MDN1: variants seen among roughly 807,000 people sequenced by gnomAD.
The protein encoded by MDN1 is midasin AAA ATPase 1, also known as midasin.
In MDN1, 266 loss-of-function variants were observed where a neutral mutation model predicts 669.2. That is an observed-to-expected ratio of 0.40 (90% confidence interval 0.36 to 0.44). The LOEUF (loss-of-function observed/expected upper bound fraction) is 0.44. Among genes scored for constraint, MDN1 ranks in the 20% least tolerant of loss-of-function variants. MDN1 has a pLI of 1.00. For synonymous variants in MDN1, 2,385 were observed against 2,457.1 expected (o/e 0.97, Z 0.87); for missense variants, 5,940 against 6,754.0 (o/e 0.88, Z 4.22).
At chr6:89,809,312 T>A (rs986421785) in intron 1 of MDN1, among the ~76,000 whole-genome samples, 1 of 151,926 alleles carries the variant, frequency 6.6e-6, no homozygotes, top group Non-Finnish European at 1.5e-5. Flanking sequence ...TTTTATTTTA[T>A]CTTCCCAGAT....
chr6:89,691,161 T>C (rs75734848), intron 63 of MDN1, among the ~76,000 whole-genome samples: 1,929 of 152,192 alleles, frequency 0.013, 39 homozygotes, highest in African/African-American at 0.044. Context: ...GGGTTGGCCA[T>C]GAGAGGGTTG....
chr6:89,745,385 A>G lies in MDN1; in HGVS notation c.4066T>C (p.Leu1356=), dbSNP rs756602259. Reference sequence around the variant, plus strand: ...ACGATATGGCCAAAGTTACACTCCAATGTGGATATCTGAGTAGACAATTTA... The same window carrying G: ...ACGATATGGCCAAAGTTACACTCCAGTGTGGATATCTGAGTAGACAATTTA... ...LGKLSTQIST[L]ECNFGHIVWT... Residue 1356 remains leucine, a synonymous_variant, in exon 29 of 102, where the codon TTG becomes CTG. Coordinates refer to ENST00000369393, the MANE Select transcript of MDN1 (RefSeq NM_014611.3). 10 of 1,613,982 alleles carry G rather than the reference A, an allele frequency of 6.2e-6. No homozygotes were observed. The highest frequency in any genetic ancestry group is 8.5e-6 in the Non-Finnish European group (10 of 1,179,974).
intron 8 of MDN1, among the ~76,000 whole-genome samples, chr6:89,785,609 A>C (rs534069710): frequency 6.6e-6 from 1 of 152,344 alleles, no homozygotes; most frequent in East Asian, 1.9e-4. Context: ...ATGCTTATGC[A>C]TAGGCCACTT....
Position 89,648,149 on chromosome 6 carries a change from T to TG in MDN1, c.16281-4dup. Reference sequence around the variant, plus strand: ...ACAGCTTTACAGATTCTCCAAAACTTGGGGGAGGAAAACCAAATACAACAG... The same window carrying TG: ...ACAGCTTTACAGATTCTCCAAAACTTGGGGGGAGGAAAACCAAATACAACAG... On this transcript the variant is annotated splice_region_variant and splice_polypyrimidine_tract_variant and intron_variant, in intron 98 of 101. Transcript: ENST00000369393. The TG allele has an allele frequency of 5.0e-6, 8 of 1,612,954 alleles. No individual in the cohort carries two copies. Among genetic ancestry groups the TG allele is most frequent in the Non-Finnish European group, 6.8e-6 (8 of 1,179,006 alleles).
At chr6:89,750,728 G>A (rs549756551) in intron 23 of MDN1, among the ~76,000 whole-genome samples, 196 bp from the exon 24 acceptor site, 2 of 152,154 alleles carry the variant, frequency 1.3e-5, no homozygotes, top group East Asian at 1.9e-4. Context: ...TCAGCCTCTT[G>A]AGTAGCTGGG....
In MDN1 at chr6:89,714,627, G is replaced by A. The variant is rs895573382; in HGVS notation, c.6985C>T (p.Leu2329=). 6.2e-7 allele frequency: 1 copy of A among 1,614,112 alleles called. No individual in the cohort carries two copies. Among genetic ancestry groups the A allele is most frequent in the Admixed American group, 1.7e-5 (1 of 60,018 alleles). The change falls in exon 46 of 102, where the codon CTG becomes TTG. Residue 2329 remains leucine, a synonymous_variant. Coordinates refer to ENST00000369393, the MANE Select transcript of MDN1 (RefSeq NM_014611.3). ...CCCACCAATCCAAGGCTGTGCAGCA[G>A]AACTTTCAAATCCAGGTTGTCTGGG... ...STPDNLDLKV[L]LHSLGLVGNS... is the part of the protein sequence containing the mutation.
chr6:89,686,809 G>A (rs752542153), intron 69 of MDN1, 93 bp downstream of exon 69: 449 of 1,496,402 alleles, frequency 3.0e-4, no homozygotes, highest in Non-Finnish European at 1.6e-4. Context: ...GCCATGTAGC[G>A]GGAGAAGCGG....
intron 22 of MDN1, 73 bp downstream of exon 22, chr6:89,753,439 A>G (rs1395565075): frequency 5.8e-6 from 7 of 1,211,754 alleles, no homozygotes; most frequent in Non-Finnish European, 8.3e-6. Flanking sequence ...TGAAAAAAAA[A>G]AAACCAAACA....
intron 70 of MDN1, 66 bp downstream of exon 70, chr6:89,685,761 A>C: frequency 3.9e-6 from 6 of 1,554,886 alleles, no homozygotes; most frequent in South Asian, 1.2e-5. Flanking sequence ...TGTCTCATGC[A>C]GAGAATTCAA....
At chr6:89,749,403 T>C (rs1355760168) in intron 25 of MDN1, 34 bp from the exon 26 acceptor site, 1 of 1,606,454 alleles carries the variant, frequency 6.2e-7, no homozygotes, top group South Asian at 1.1e-5. Context: ...CAGTAAAAGG[T>C]GCCTTTTAAT....
intron 76 of MDN1, among the ~76,000 whole-genome samples, chr6:89,676,513 G>A (rs1463678188): frequency 2.0e-5 from 3 of 152,144 alleles, no homozygotes; most frequent in African/African-American, 4.8e-5. Flanking sequence ...AACATAAGAG[G>A]ACTAAGGACA....
rs574334527 is a variant in MDN1 at position 89,747,596 on chromosome 6, A to G, written c.3763-126T>C. The stretch of plus-strand genomic sequence containing the variant: ...TTTAAATGATTTCATTCCACTGAAT[A>G]AGATTAATTTTTTGGCCGGGCGTGG... On this transcript the variant is annotated intron_variant, in intron 26 of 101. Coordinates refer to ENST00000369393, the MANE Select transcript of MDN1 (RefSeq NM_014611.3). 4 of 1,175,490 alleles carry G rather than the reference A, an allele frequency of 3.4e-6. No individual in the cohort carries two copies. In the East Asian group the frequency reaches 1.1e-4, roughly 31 times the overall value. 72.8% of individuals were successfully genotyped at this position (1,175,490 alleles called of 1,614,324 possible).
At chr6:89,781,313 T>A in intron 10 of MDN1, 86 bp downstream of exon 10, 1 of 1,356,418 alleles carries the variant, frequency 7.4e-7, no homozygotes, top group Non-Finnish European at 1.0e-6. Flanking sequence ...ACTGCACCAC[T>A]GCACTCCAGC....
At position 89,673,225 on chromosome 6, in the gene MDN1, A is replaced by G. The variant is rs753073991; in HGVS notation, c.13474+11T>C. ...TGGACTTTCATTCCCTGACTGAACA[A>G]TATTCCTTACCTCCTTGGCTATCTG... On this transcript the variant is annotated intron_variant, in intron 80 of 101. Coordinates refer to ENST00000369393, the MANE Select transcript of MDN1 (RefSeq NM_014611.3). 1.4e-5 allele frequency: 22 copies of G among 1,604,102 alleles called. No individual in the cohort carries two copies. In the African/African-American group the frequency reaches 1.9e-4, roughly 14 times the overall value.
intron 2 of MDN1, among the ~76,000 whole-genome samples, chr6:89,797,045 G>C (rs542065884): frequency 1.7e-4 from 26 of 149,984 alleles, no homozygotes; most frequent in African/African-American, 6.2e-4. Context: ...TCCAGCATGG[G>C]CAACAAGAGT....
intron 38 of MDN1, among the ~76,000 whole-genome samples, chr6:89,724,677 G>C (rs376085610): frequency 6.6e-6 from 1 of 152,146 alleles, no homozygotes; most frequent in East Asian, 1.9e-4. Context: ...CTCTGGATTG[G>C]CCAAACTCTG....
chr6:89,701,456 A>T, intron 55 of MDN1, 102 bp downstream of exon 55: 1 of 1,432,088 alleles, frequency 7.0e-7, no homozygotes, highest in Non-Finnish European at 9.5e-7. Context: ...TTATGCTTTC[A>T]AGACAAGGAT....
chr6:89,678,683 CCTT>C lies in MDN1; in HGVS notation c.12325_12327del (p.Lys4109del), dbSNP rs1358458245. On this transcript the variant is annotated inframe_deletion, in exon 75 of 102. Transcript: ENST00000369393. ...TGCTTGGCTTCTGACCGCTGCTTCT[CCTT>C]CTCTGCAGAGGGTTCCACCTTTAAG... 9.3e-6 allele frequency: 15 copies of C among 1,614,004 alleles called. No individual in the cohort carries two copies. The highest frequency in any genetic ancestry group is 1.3e-5 in the Non-Finnish European group (15 of 1,179,990).
At chr6:89,775,681 G>GT (rs1196421650) in intron 12 of MDN1, among the ~76,000 whole-genome samples, 1 of 150,850 alleles carries the variant, frequency 6.6e-6, no homozygotes, top group African/African-American at 2.4e-5. Context: ...TTTTTTTTTT[G>GT]TTTGTTTGGT....
Sources: gnomAD v4.1 joint callset for allele counts (sites outside exome capture counted in the v4.1 genomes callset) on GRCh38, gnomAD v4.1.1 for gene constraint, MANE v1.5 for transcripts, NCBI Gene and HGNC (gene_info 2026-07-23, HGNC 2026-07-21) for gene names.